The following CNTN5 variants were observed in gnomAD, a reference collection of about 807,000 sequenced individuals.
CNTN5 encodes contactin 5, also known as contactin-5.
A neutral mutation model predicts 129.1 loss-of-function variants in CNTN5; 77 were observed. That is an observed-to-expected ratio of 0.60 (90% CI 0.50 to 0.72). The LOEUF (loss-of-function observed/expected upper bound fraction) is 0.72. Among genes scored for constraint, CNTN5 ranks in the 30% least tolerant of loss-of-function variants. The pLI is 0.00. For synonymous variants in CNTN5, 509 were observed against 465.6 expected, an observed-to-expected ratio of 1.09 and a Z score of -1.20; for missense variants, 1,478 against 1,328.8, an observed-to-expected ratio of 1.11 and a Z score of -1.75.
At chr11:100,243,287 G>T (rs1437166160) in intron 16 of CNTN5, among the ~76,000 whole-genome samples, 1 of 152,190 alleles carries the variant, frequency 6.6e-6, no homozygotes, top group African/African-American at 2.4e-5. Flanking sequence ...TAAACCAAAG[G>T]CTTCAGTGTT....
intron 1 of CNTN5, among the ~76,000 whole-genome samples, chr11:99,235,805 T>C (rs1861231665): frequency 6.6e-6 from 1 of 152,180 alleles, no homozygotes; most frequent in South Asian, 2.1e-4. Flanking sequence ...GGCAATTGTC[T>C]GGAATGCCAG....
intron 15 of CNTN5, among the ~76,000 whole-genome samples, chr11:100,204,063 C>T (rs185001220): frequency 4.6e-5 from 7 of 151,386 alleles, no homozygotes; most frequent in Admixed American, 2.7e-4. Context: ...TTACAGATCC[C>T]GCCACCAGGA....
At chr11:99,391,836 A>G (rs1941278120) in intron 2 of CNTN5, among the ~76,000 whole-genome samples, 1 of 151,986 alleles carries the variant, frequency 6.6e-6, no homozygotes, top group Non-Finnish European at 1.5e-5. Context: ...CATATTAGGT[A>G]TAAGGGCACA....
chr11:99,913,118 C>A (rs541276648), intron 6 of CNTN5, among the ~76,000 whole-genome samples: 76 of 152,050 alleles, frequency 5.0e-4, no homozygotes, highest in South Asian at 2.1e-3. Flanking sequence ...AGACACTGAA[C>A]CTGCACATAC....
Position 99,796,454 on chromosome 11 carries a change from G to C in CNTN5, c.56-23090G>C, listed in dbSNP as rs146505582. 9.1e-4 allele frequency among the ~76,000 whole-genome samples: 139 copies of C among 152,056 alleles called. 4 individuals are homozygous for C. The highest frequency in any genetic ancestry group is 3.7e-4 in the Non-Finnish European group (25 of 67,990). Reference sequence around the variant, plus strand: ...AAAGTTGCACAGGGAAGGATATGGTGGGGGGTAAGTGCGAGTGACCTGGTG... The same window carrying C: ...AAAGTTGCACAGGGAAGGATATGGTCGGGGGTAAGTGCGAGTGACCTGGTG... On this transcript the variant is annotated intron_variant, in intron 3 of 24. Transcript: ENST00000524871.
chr11:100,306,008 TG>T (rs762016171), intron 20 of CNTN5, among the ~76,000 whole-genome samples: 4 of 150,308 alleles, frequency 2.7e-5, no homozygotes, highest in East Asian at 2.0e-4. Flanking sequence ...TCACAAATTT[TG>T]GGGGGGGCAC....
chr11:99,352,094 A>G (rs937117390), intron 2 of CNTN5, among the ~76,000 whole-genome samples: 8 of 152,214 alleles, frequency 5.3e-5, no homozygotes, highest in African/African-American at 1.9e-4. Context: ...ATTGAATGAA[A>G]CTAGAAAGTT....
At chr11:99,170,556 A>G (rs1441584933) in intron 1 of CNTN5, among the ~76,000 whole-genome samples, 1 of 152,194 alleles carries the variant, frequency 6.6e-6, no homozygotes, top group African/African-American at 2.4e-5. Flanking sequence ...GATTCCCAAT[A>G]GTAAAAAGGA....
At chr11:99,180,370 C>T (rs535900381) in intron 1 of CNTN5, among the ~76,000 whole-genome samples, 6 of 152,034 alleles carry the variant, frequency 3.9e-5, no homozygotes, top group Non-Finnish European at 7.4e-5. Context: ...TGTGCACAGG[C>T]GAGGAGAGGT....
At chr11:99,569,748 T>C (rs1301999285) in intron 3 of CNTN5, among the ~76,000 whole-genome samples, 1 of 152,158 alleles carries the variant, frequency 6.6e-6, no homozygotes, top group Non-Finnish European at 1.5e-5. Context: ...AATTTTTTTC[T>C]TGGGTTTAGA....
chr11:99,314,388 C>T (rs192795952), intron 1 of CNTN5, among the ~76,000 whole-genome samples: 166 of 152,162 alleles, frequency 1.1e-3, no homozygotes, highest in African/African-American at 3.4e-3. Context: ...AGTGCCATTT[C>T]ATTTATTCTA....
intron 7 of CNTN5, among the ~76,000 whole-genome samples, chr11:99,947,405 C>G (rs569473600): frequency 1.3e-5 from 2 of 151,422 alleles, no homozygotes; most frequent in South Asian, 4.2e-4. Flanking sequence ...GAAAATAAAC[C>G]ATTTCAGTGC....
At chr11:99,712,074 T>C (rs1389641107) in intron 3 of CNTN5, among the ~76,000 whole-genome samples, 1 of 152,166 alleles carries the variant, frequency 6.6e-6, no homozygotes, top group African/African-American at 2.4e-5. Context: ...TCCACAATGG[T>C]TGAACTAATT....
chr11:99,727,641 CA>C (rs1349352428), intron 3 of CNTN5, among the ~76,000 whole-genome samples: 1 of 151,870 alleles, frequency 6.6e-6, no homozygotes, highest in Non-Finnish European at 1.5e-5. Context: ...ACACATTTTT[CA>C]AACCTCCCAC....
chr11:99,670,013 T>G (rs1420291998), intron 3 of CNTN5, among the ~76,000 whole-genome samples: 1 of 152,188 alleles, frequency 6.6e-6, no homozygotes, highest in Non-Finnish European at 1.5e-5. Context: ...GATAGATGCA[T>G]TGTTTTATGT....
chr11:99,722,633 TAAAC>T (rs1254182392), intron 3 of CNTN5, among the ~76,000 whole-genome samples: 5 of 151,988 alleles, frequency 3.3e-5, no homozygotes, highest in East Asian at 1.9e-4. Context: ...AAATAAAAGT[TAAAC>T]AAAAATAATT....
chr11:99,423,672 G>A (rs558388165), intron 2 of CNTN5, among the ~76,000 whole-genome samples: 7 of 152,286 alleles, frequency 4.6e-5, no homozygotes, highest in African/African-American at 1.7e-4. Context: ...GGAATTGCTT[G>A]GTGATCCATT....
intron 9 of CNTN5, among the ~76,000 whole-genome samples, chr11:100,052,210 T>G (rs562827345): frequency 6.6e-6 from 1 of 151,978 alleles, no homozygotes; most frequent in Non-Finnish European, 1.5e-5. Flanking sequence ...ATATGTAGGA[T>G]TAGAGGGAAA....
intron 8 of CNTN5, among the ~76,000 whole-genome samples, chr11:99,962,981 C>T (rs1295493908): frequency 1.3e-5 from 2 of 151,868 alleles, no homozygotes; most frequent in Non-Finnish European, 2.9e-5. Flanking sequence ...TGTTCATATC[C>T]TTCGCCCACT....
Sources: allele counts gnomAD v4.1 joint callset (sites outside exome capture counted in the v4.1 genomes callset), GRCh38; gene constraint gnomAD v4.1.1; transcripts MANE v1.5; gene names NCBI Gene and HGNC (gene_info 2026-07-23, HGNC 2026-07-21).